BLOC1S5: variants seen among roughly 807,000 people sequenced by gnomAD.
The protein encoded by BLOC1S5 is biogenesis of lysosomal organelles complex 1 subunit 5, also known as biogenesis of lysosome-related organelles complex 1 subunit 5.
In BLOC1S5, 27 loss-of-function variants were observed where a neutral mutation model predicts 24.3. That is an observed-to-expected ratio of 1.11 (90% CI 0.82 to 1.53). BLOC1S5 has a LOEUF of 1.53. Among genes scored for constraint, BLOC1S5 ranks in the 40% most tolerant of loss-of-function variants. BLOC1S5 has a pLI of 0.00. For missense variants in BLOC1S5, 239 were observed against 229.4 expected, an observed-to-expected ratio of 1.04 and a Z score of -0.27; for synonymous variants, 84 against 74.5, an observed-to-expected ratio of 1.13 and a Z score of -0.66.
chr6:8,049,900 G>A (rs755218979), intron 2 of BLOC1S5, among the ~76,000 whole-genome samples: 2 of 151,806 alleles, frequency 1.3e-5, no homozygotes, highest in African/African-American at 2.4e-5. Flanking sequence ...TTGTAGAGAC[G>A]GGGTTTCATC....
chr6:8,047,201 G>A (rs1757932945), intron 2 of BLOC1S5, among the ~76,000 whole-genome samples: 1 of 82,022 alleles, frequency 1.2e-5, no homozygotes, highest in African/African-American at 5.5e-5. Flanking sequence ...CACACACACA[G>A]TCAACAGTAA....
intron 2 of BLOC1S5, among the ~76,000 whole-genome samples, chr6:8,043,244 G>C (rs957981852): frequency 1.3e-5 from 2 of 152,086 alleles, no homozygotes; most frequent in Admixed American, 1.3e-4. Flanking sequence ...TCAAAGAATA[G>C]AACAGGGAAA....
intron 2 of BLOC1S5, chr6:8,041,895 C>T (rs112723808): frequency 6.6e-6 from 1 of 151,900 alleles, no homozygotes; most frequent in East Asian, 1.9e-4. Flanking sequence ...ATCCACCCGC[C>T]TCGGCCTCCC....
At chr6:8,052,446 A>G (rs1331504657) in intron 2 of BLOC1S5, among the ~76,000 whole-genome samples, 1 of 152,112 alleles carries the variant, frequency 6.6e-6, no homozygotes, top group Non-Finnish European at 1.5e-5. Context: ...TAAGAACATT[A>G]ATGATTCATG....
At chr6:8,058,211 G>T (rs1289659172) in intron 2 of BLOC1S5, among the ~76,000 whole-genome samples, 1 of 151,874 alleles carries the variant, frequency 6.6e-6, no homozygotes, top group African/African-American at 2.4e-5. Flanking sequence ...CACATGTAAT[G>T]GCTGGAGGTC....
chr6:8,017,111 C>T (rs1028236875), intron 4 of BLOC1S5, among the ~76,000 whole-genome samples: 1 of 151,942 alleles, frequency 6.6e-6, no homozygotes, highest in Non-Finnish European at 1.5e-5. Flanking sequence ...AGTACAATTT[C>T]AATGATTAAC....
At chr6:8,053,197 A>G (rs531562937) in intron 2 of BLOC1S5, among the ~76,000 whole-genome samples, 1 of 152,338 alleles carries the variant, frequency 6.6e-6, no homozygotes, top group South Asian at 2.1e-4. Context: ...TTAGAATATT[A>G]TATAGACTTA....
chr6:8,052,908 AAG>A (rs1276903657), intron 2 of BLOC1S5, among the ~76,000 whole-genome samples: 47 of 138,368 alleles, frequency 3.4e-4, no homozygotes, highest in African/African-American at 1.6e-3. Context: ...AAAAAAAAAA[AAG>A]AAGTGGAGCC....
intron 2 of BLOC1S5, among the ~76,000 whole-genome samples, chr6:8,045,868 G>A (rs1381866569): frequency 6.6e-6 from 1 of 152,202 alleles, no homozygotes; most frequent in Non-Finnish European, 1.5e-5. Context: ...GCTTACAGGT[G>A]AAAGGGACTT....
intron 2 of BLOC1S5, among the ~76,000 whole-genome samples, chr6:8,044,516 C>T (rs1441410552): frequency 6.6e-6 from 1 of 152,052 alleles, no homozygotes; most frequent in Non-Finnish European, 1.5e-5. Context: ...AAATGAGTAA[C>T]AGGCAAAGGT....
chr6:8,019,609 G>GA (rs1554137157), intron 4 of BLOC1S5, among the ~76,000 whole-genome samples: 2 of 41,548 alleles, frequency 4.8e-5, no homozygotes, highest in South Asian at 6.6e-4. Flanking sequence ...AAGAAAAAAG[G>GA]GGGGGGGGGC....
At chr6:8,025,712 C>A (rs1321183406) in intron 4 of BLOC1S5, among the ~76,000 whole-genome samples, 1 of 152,078 alleles carries the variant, frequency 6.6e-6, no homozygotes, top group Non-Finnish European at 1.5e-5. Context: ...GATACACACA[C>A]ATACAAGCAA....
intron 3 of BLOC1S5, among the ~76,000 whole-genome samples, chr6:8,029,838 A>C (rs2113535894): frequency 6.6e-6 from 1 of 152,344 alleles, no homozygotes. Context: ...CTAGTGAAAG[A>C]AAAAAAGAAA....
chr6:8,031,375 T>G (rs2113539612), intron 3 of BLOC1S5, among the ~76,000 whole-genome samples: 1 of 152,216 alleles, frequency 6.6e-6, no homozygotes, highest in Non-Finnish European at 1.5e-5. Flanking sequence ...CAACCCCTTT[T>G]AGAATAGCTG....
At chr6:8,058,605 G>A (rs533364999) in intron 2 of BLOC1S5, among the ~76,000 whole-genome samples, 1 of 152,258 alleles carries the variant, frequency 6.6e-6, no homozygotes, top group South Asian at 2.1e-4. Flanking sequence ...TAAGAAGACT[G>A]CTTGAACCCA....
At chr6:8,031,259 C>T (rs2815135) in intron 3 of BLOC1S5, among the ~76,000 whole-genome samples, 58,781 of 151,954 alleles carry the variant, frequency 0.39, 13,394 homozygotes, top group East Asian at 0.78. Flanking sequence ...GCTCCTATAA[C>T]TGGTAAATGA....
intron 3 of BLOC1S5, among the ~76,000 whole-genome samples, chr6:8,040,771 A>C (rs1763650257): frequency 6.6e-6 from 1 of 151,518 alleles, no homozygotes; most frequent in South Asian, 2.1e-4. Flanking sequence ...CACAAGAACC[A>C]CTTGAATCTG....
At chr6:8,058,638 C>G (rs1190523763) in intron 2 of BLOC1S5, among the ~76,000 whole-genome samples, 1 of 152,118 alleles carries the variant, frequency 6.6e-6, no homozygotes, top group Non-Finnish European at 1.5e-5. Flanking sequence ...TGCAGTAAGC[C>G]ATGATCGTGC....
chr6:8,042,067 G>T (rs1763713770), intron 2 of BLOC1S5, among the ~76,000 whole-genome samples: 1 of 152,140 alleles, frequency 6.6e-6, no homozygotes. Flanking sequence ...TCATAACCCA[G>T]AGGCATTTTT....
Sources: allele counts gnomAD v4.1 joint callset (sites outside exome capture counted in the v4.1 genomes callset), GRCh38; gene constraint gnomAD v4.1.1; transcripts MANE v1.5; gene names NCBI Gene and HGNC (gene_info 2026-07-23, HGNC 2026-07-21).